Variants in SLC2A9 observed in about 807,000 individuals in gnomAD.
SLC2A9 encodes solute carrier family 2, facilitated glucose transporter member 9.
Under a neutral mutation model 50.6 loss-of-function variants are expected in SLC2A9, and 39 were observed. The ratio of observed to expected loss-of-function variants is 0.77; its 90% confidence interval spans 0.60 to 1.01. The LOEUF (loss-of-function observed/expected upper bound fraction) is 1.01. Ranked by LOEUF, SLC2A9 falls within the 50% of genes least tolerant of loss-of-function variation. The pLI is 0.00. For synonymous variants in SLC2A9, 324 were observed against 276.9 expected (o/e 1.17, Z -1.69); for missense variants, 686 against 677.6 (o/e 1.01, Z -0.14).
intron 7 of SLC2A9, among the ~76,000 whole-genome samples, chr4:9,912,386 G>A (rs933937955): frequency 8.5e-5 from 13 of 152,104 alleles, no homozygotes; most frequent in African/African-American, 3.1e-4. Context: ...TCCTTCTTGT[G>A]GGATGGGGCT....
intron 3 of SLC2A9, among the ~76,000 whole-genome samples, chr4:9,818,950 G>A (rs953417050): frequency 5.3e-5 from 8 of 151,790 alleles, no homozygotes; most frequent in East Asian, 1.9e-4. Flanking sequence ...GTGAAACCCC[G>A]TCTCTACTAA....
chr4:9,844,524 GTTATAC>G (rs1728639194), intron 10 of SLC2A9, among the ~76,000 whole-genome samples: 1 of 152,152 alleles, frequency 6.6e-6, no homozygotes, highest in Non-Finnish European at 1.5e-5. Context: ...ATTCCTAATA[GTTATAC>G]TTAGTTATGT....
chr4:9,878,460 G>A (rs1453491559), intron 10 of SLC2A9, among the ~76,000 whole-genome samples: 1 of 152,104 alleles, frequency 6.6e-6, no homozygotes, highest in African/African-American at 2.4e-5. Context: ...CCATAGAAAC[G>A]TCTAAATGAT....
At chr4:9,905,503 G>A (rs1206616531) in intron 8 of SLC2A9, among the ~76,000 whole-genome samples, 1 of 152,204 alleles carries the variant, frequency 6.6e-6, no homozygotes, top group African/African-American at 2.4e-5. Context: ...CAGAGGCTGA[G>A]ACTCTGAGTT....
chr4:9,841,640 G>C (rs2109220438), intron 10 of SLC2A9, among the ~76,000 whole-genome samples: 2 of 152,188 alleles, frequency 1.3e-5, no homozygotes, highest in South Asian at 4.2e-4. Flanking sequence ...GGGTGGGGTG[G>C]GTAGAAAAAT....
At chr4:10,018,754 G>T (rs1164466745) in intron 2 of SLC2A9, among the ~76,000 whole-genome samples, 1 of 139,700 alleles carries the variant, frequency 7.2e-6, no homozygotes, top group Non-Finnish European at 1.5e-5. Flanking sequence ...CAGGACACCC[G>T]CCCTCCAGCC....
intron 3 of SLC2A9, among the ~76,000 whole-genome samples, chr4:9,990,756 G>A (rs1382314242): frequency 1.3e-5 from 2 of 152,120 alleles, no homozygotes; most frequent in Admixed American, 6.5e-5. Context: ...GAAGTCTTCT[G>A]GTCTTATCTA....
chr4:9,889,699 C>T (rs908795855), intron 9 of SLC2A9, among the ~76,000 whole-genome samples: 1 of 152,224 alleles, frequency 6.6e-6, no homozygotes, highest in African/African-American at 2.4e-5. Flanking sequence ...TCAAAATGTG[C>T]ACCTATCAAT....
chr4:10,020,070 GTGTT>G (rs1763328296), intron 1 of SLC2A9, among the ~76,000 whole-genome samples: 1 of 149,326 alleles, frequency 6.7e-6, no homozygotes, highest in Non-Finnish European at 1.5e-5. Flanking sequence ...GTGTGTGTGT[GTGTT>G]GTAGGCGCCA....
At chr4:9,999,917 TGA>T (rs1476686928) in intron 2 of SLC2A9, among the ~76,000 whole-genome samples, 15 of 152,210 alleles carry the variant, frequency 9.9e-5, no homozygotes, top group African/African-American at 3.6e-4. Context: ...AGATATATTT[TGA>T]GAGTAGAATA....
At chr4:10,040,189 A>T (rs917024179) in exon 1 of SLC2A9, 1 of 152,260 alleles carries the variant, frequency 6.6e-6, no homozygotes, top group African/African-American at 2.4e-5. Flanking sequence ...AAGAGTTTTC[A>T]TGCCCCTCTG....
rs180844322 is a variant in SLC2A9, at chr4:9,863,836, G to A, written c.1291+23731C>T. Reference sequence around the variant, plus strand: ...CCATGTAACTTCTGACTAACCCCACGTCCAGGAATGCCTCCAAGAAGTCGA... The same window carrying A: ...CCATGTAACTTCTGACTAACCCCACATCCAGGAATGCCTCCAAGAAGTCGA... On this transcript the variant is annotated intron_variant, in intron 10 of 11. Transcript: ENST00000264784. Among the ~76,000 whole-genome samples, 17 of 152,160 alleles carry A rather than the reference G, an allele frequency of 1.1e-4. No homozygotes were observed. In the South Asian group the frequency reaches 3.1e-3, roughly 28 times the overall value.
At chr4:9,885,883 T>C (rs1171027688) in intron 10 of SLC2A9, among the ~76,000 whole-genome samples, 2 of 152,204 alleles carry the variant, frequency 1.3e-5, no homozygotes, top group Non-Finnish European at 2.9e-5. Flanking sequence ...TGAGTAGTTG[T>C]GATAGAGAAT....
chr4:9,875,643 G>A (rs901576936), intron 10 of SLC2A9, among the ~76,000 whole-genome samples: 1 of 152,196 alleles, frequency 6.6e-6, no homozygotes, highest in South Asian at 2.1e-4. Flanking sequence ...CTGATAGGAA[G>A]TGGAATTGTG....
At chr4:9,834,729 T>G (rs1726736523) in intron 11 of SLC2A9, 152 bp downstream of exon 11, 8 of 1,260,328 alleles carry the variant, frequency 6.3e-6, no homozygotes, top group Non-Finnish European at 7.8e-6. Context: ...GATGAAAGGT[T>G]TTGCCCAAAG....
At chr4:10,029,945 T>A (rs12506455) in intron 1 of SLC2A9, among the ~76,000 whole-genome samples, 66,541 of 151,782 alleles carry the variant, frequency 0.44, 16,175 homozygotes, top group South Asian at 0.59. Context: ...AGAGATAAAT[T>A]TTTTTTTTAA....
rs574137197 is a variant in SLC2A9, at chr4:9,941,525, T to C, written c.814+388A>G. On this transcript the variant is annotated intron_variant, in intron 6 of 11. Transcript: ENST00000264784. ...TAAATATTAAGACAGAGGAAGTCAG[T>C]GAAGGGAGAAGAAGTGGAAGGAGGG... is the stretch of plus-strand genomic sequence containing the variant. 1.2e-4 allele frequency among the ~76,000 whole-genome samples: 18 copies of C among 152,124 alleles called. No individual in the cohort carries two copies. In the South Asian group the frequency reaches 2.7e-3, roughly 23 times the overall value.
chr4:9,853,039 G>A (rs1402286047), intron 10 of SLC2A9, among the ~76,000 whole-genome samples: 1 of 152,146 alleles, frequency 6.6e-6, no homozygotes, highest in Non-Finnish European at 1.5e-5. Context: ...AGCTGGATGT[G>A]GTGGTGTGCA....
chr4:9,874,092 G>A (rs1053109687), intron 10 of SLC2A9, among the ~76,000 whole-genome samples: 18 of 152,050 alleles, frequency 1.2e-4, no homozygotes, highest in South Asian at 4.1e-4. Context: ...TGTCCCCTGA[G>A]GCCCTTTTAC....
Sources: allele counts gnomAD v4.1 joint callset (sites outside exome capture counted in the v4.1 genomes callset), GRCh38; gene constraint gnomAD v4.1.1; transcripts MANE v1.5; gene names NCBI Gene and HGNC (gene_info 2026-07-23, HGNC 2026-07-21).